The following OXR1 variants were observed in gnomAD, a reference collection of about 807,000 sequenced individuals.
The protein encoded by OXR1 is oxidation resistance 1.
OXR1 carries 41 observed loss-of-function variants against 104.6 expected under a neutral mutation model. The ratio of observed to expected loss-of-function variants is 0.39; its 90% CI spans 0.31 to 0.51. The LOEUF (loss-of-function observed/expected upper bound fraction) is 0.51, where lower values mean the gene tolerates loss of function less well. OXR1 is among the 20% of genes least tolerant of loss of function. OXR1 has a pLI of 0.77. For synonymous variants in OXR1, 348 were observed against 348.4 expected (o/e 1.00, Z 0.01); for missense variants, 955 against 1,031.9 (o/e 0.93, Z 1.02).
intron 3 of OXR1, among the ~76,000 whole-genome samples, chr8:106,585,838 G>C (rs1208777240): frequency 6.6e-6 from 1 of 152,120 alleles, no homozygotes; most frequent in East Asian, 1.9e-4. Flanking sequence ...AGGAAAGTAA[G>C]GCCTTGAGAT....
chr8:106,641,624 C>T (rs1392515393), intron 3 of OXR1, among the ~76,000 whole-genome samples: 1 of 152,104 alleles, frequency 6.6e-6, no homozygotes, highest in Non-Finnish European at 1.5e-5. Context: ...AAAAATCAAA[C>T]TCTGGCAAAC....
At chr8:106,502,343 A>G (rs1811867281) in intron 2 of OXR1, among the ~76,000 whole-genome samples, 1 of 152,216 alleles carries the variant, frequency 6.6e-6, no homozygotes, top group Non-Finnish European at 1.5e-5. Context: ...ACTCTATGAA[A>G]ATCTGTTCGT....
intron 6 of OXR1, among the ~76,000 whole-genome samples, chr8:106,687,588 C>T (rs1381031212): frequency 2.0e-5 from 3 of 151,790 alleles, no homozygotes; most frequent in Non-Finnish European, 4.4e-5. Flanking sequence ...GGTGTGGTGG[C>T]GGGCACTTGT....
chr8:106,748,641 T>C (rs1288055429), intron 16 of OXR1, among the ~76,000 whole-genome samples: 1 of 142,180 alleles, frequency 7.0e-6, no homozygotes, highest in Non-Finnish European at 1.5e-5. Context: ...CAATCTTGGC[T>C]CACTGTAACC....
chr8:106,339,525 T>A (rs1424373165), intron 1 of OXR1, among the ~76,000 whole-genome samples: 705 of 20,306 alleles, frequency 0.035, 59 homozygotes, highest in Middle Eastern at 0.1. Flanking sequence ...AAAAAATATA[T>A]ATATATATAT....
At position 106,512,111 on chromosome 8, in the gene OXR1, T is replaced by G. The variant is rs140181890; in HGVS notation, c.24-6832T>G. ...ATATTAGTCTAATCTTCATGTCAAT[T>G]TTATGACAGATATTGTTAATATTCC... is the stretch of plus-strand genomic sequence containing the variant. On this transcript the variant is annotated intron_variant, in intron 2 of 16. Transcript: ENST00000517566. 1.1e-3 allele frequency among the ~76,000 whole-genome samples: 164 copies of G among 152,314 alleles called. 1 individual carries two copies. Among genetic ancestry groups the G allele is most frequent in the African/African-American group, 3.7e-3 (155 of 41,572 alleles).
chr8:106,523,798 G>A (rs558366363), intron 3 of OXR1, among the ~76,000 whole-genome samples: 47 of 149,162 alleles, frequency 3.2e-4, no homozygotes, highest in African/African-American at 8.4e-4. Flanking sequence ...TTTTTGAGAC[G>A]GAGTCTCGCT....
intron 1 of OXR1, among the ~76,000 whole-genome samples, chr8:106,287,445 T>C (rs150025332): frequency 1.1e-3 from 170 of 152,272 alleles, no homozygotes; most frequent in Non-Finnish European, 2.1e-3. Context: ...CAGAAAACAG[T>C]GTCATCCAAG....
At chr8:106,432,740 A>G (rs1338910083) in intron 2 of OXR1, among the ~76,000 whole-genome samples, 1 of 152,024 alleles carries the variant, frequency 6.6e-6, no homozygotes, top group Non-Finnish European at 1.5e-5. Context: ...TTTTCTGTCT[A>G]TTCCCTCGTT....
intron 6 of OXR1, 116 bp from the exon 7 acceptor site, chr8:106,692,612 C>T (rs908687431): frequency 1.7e-5 from 9 of 533,478 alleles, no homozygotes; most frequent in Admixed American, 7.5e-5. Context: ...TTCCAGAATG[C>T]GGTGAAATGA....
At chr8:106,620,129 C>T (rs761381008) in intron 3 of OXR1, among the ~76,000 whole-genome samples, 5 of 152,160 alleles carry the variant, frequency 3.3e-5, no homozygotes, top group Non-Finnish European at 5.9e-5. Context: ...CATCCATAGG[C>T]ACTTAATAAG....
chr8:106,592,189 A>T (rs765980426), intron 3 of OXR1, among the ~76,000 whole-genome samples: 1 of 152,208 alleles, frequency 6.6e-6, no homozygotes, highest in Non-Finnish European at 1.5e-5. Context: ...CTGTGTGCCT[A>T]CGTAGAAGTA....
At chr8:106,631,888 CTATT>C (rs1822716361) in intron 3 of OXR1, among the ~76,000 whole-genome samples, 1 of 152,088 alleles carries the variant, frequency 6.6e-6, no homozygotes. Context: ...GCTATGTCTG[CTATT>C]TATTACAGCA....
intron 2 of OXR1, among the ~76,000 whole-genome samples, chr8:106,457,656 A>G (rs1820673808): frequency 9.4e-6 from 1 of 105,956 alleles, no homozygotes; most frequent in African/African-American, 6.4e-5. Context: ...GCTATAGGGA[A>G]ACCTAAATCT....
chr8:106,525,682 C>T (rs754788621), intron 3 of OXR1, among the ~76,000 whole-genome samples: 11 of 152,232 alleles, frequency 7.2e-5, no homozygotes, highest in African/African-American at 1.9e-4. Flanking sequence ...GGGGGCTCCT[C>T]GGCTAACAGG....
intron 11 of OXR1, among the ~76,000 whole-genome samples, chr8:106,719,566 C>T (rs1832636315): frequency 1.3e-5 from 2 of 152,068 alleles, no homozygotes; most frequent in African/African-American, 4.8e-5. Flanking sequence ...TAAAATATCT[C>T]TTAAGTCTCT....
At chr8:106,674,924 T>A (rs529264413) in intron 3 of OXR1, among the ~76,000 whole-genome samples, 1 of 152,262 alleles carries the variant, frequency 6.6e-6, no homozygotes, top group East Asian at 1.9e-4. Flanking sequence ...TAAACCTCTT[T>A]CCTTTCTAAA....
intron 11 of OXR1, among the ~76,000 whole-genome samples, chr8:106,737,050 G>A (rs1834442694): frequency 6.6e-6 from 1 of 151,956 alleles, no homozygotes; most frequent in Admixed American, 6.6e-5. Flanking sequence ...TTATAGATGG[G>A]TATGTTTGTC....
intron 2 of OXR1, among the ~76,000 whole-genome samples, chr8:106,471,576 T>C (rs140967530): frequency 8.4e-4 from 128 of 151,942 alleles, no homozygotes; most frequent in African/African-American, 2.9e-3. Flanking sequence ...ATAGACCTGG[T>C]GCTGAAGCTA....
Sources: allele counts gnomAD v4.1 joint callset (sites outside exome capture counted in the v4.1 genomes callset), GRCh38; gene constraint gnomAD v4.1.1; transcripts MANE v1.5; gene names NCBI Gene and HGNC (gene_info 2026-07-23, HGNC 2026-07-21).